Variants in ERBB4 observed in about 807,000 individuals in gnomAD.
ERBB4 encodes receptor tyrosine-protein kinase erbB-4.
In ERBB4, 42 loss-of-function variants were observed where a neutral mutation model predicts 158.0. The ratio of observed to expected loss-of-function variants is 0.27; its 90% confidence interval spans 0.21 to 0.34. The LOEUF is 0.34. ERBB4 is among the 10% of genes least tolerant of loss of function. ERBB4 has a pLI of 1.00. For missense variants in ERBB4, 1,333 were observed against 1,624.1 expected, an observed-to-expected ratio of 0.82 and a Z score of 3.08; for synonymous variants, 583 against 558.7, an observed-to-expected ratio of 1.04 and a Z score of -0.61.
intron 1 of ERBB4, among the ~76,000 whole-genome samples, chr2:212,451,029 A>G (rs1041379009): frequency 1.3e-5 from 2 of 152,008 alleles, no homozygotes; most frequent in Non-Finnish European, 2.9e-5. Context: ...TAATTTTTTT[A>G]TTTTTTTGTA....
intron 20 of ERBB4, among the ~76,000 whole-genome samples, chr2:211,460,780 A>C (rs533930549): frequency 4.6e-5 from 7 of 152,316 alleles, no homozygotes; most frequent in African/African-American, 1.4e-4. Context: ...ATGTTTATTA[A>C]ATCCTTTCAA....
At chr2:211,873,530 C>T (rs2078409653) in intron 3 of ERBB4, among the ~76,000 whole-genome samples, 1 of 152,298 alleles carries the variant, frequency 6.6e-6, no homozygotes, top group Non-Finnish European at 1.5e-5. Context: ...GATATTTTCA[C>T]TATTTACATA....
chr2:212,063,074 A>T (rs902560527), intron 2 of ERBB4, among the ~76,000 whole-genome samples: 6 of 152,222 alleles, frequency 3.9e-5, no homozygotes, highest in African/African-American at 1.4e-4. Context: ...TCAAATAGTA[A>T]AATTAAATTA....
chr2:211,731,801 T>C (rs1333199654), intron 5 of ERBB4, among the ~76,000 whole-genome samples: 2 of 152,160 alleles, frequency 1.3e-5, no homozygotes, highest in Non-Finnish European at 2.9e-5. Flanking sequence ...AGGCGTTACT[T>C]ACAGAGCATG....
intron 14 of ERBB4, among the ~76,000 whole-genome samples, chr2:211,665,742 G>A (rs1256824712): frequency 6.6e-6 from 1 of 152,048 alleles, no homozygotes; most frequent in Non-Finnish European, 1.5e-5. Flanking sequence ...TTTCCTTTTC[G>A]ACATAAGCAG....
At chr2:212,401,256 A>T (rs932340295) in intron 1 of ERBB4, among the ~76,000 whole-genome samples, 73 of 152,280 alleles carry the variant, frequency 4.8e-4, no homozygotes, top group African/African-American at 1.7e-3. Context: ...CTAGCAATGT[A>T]GTCAGAATTT....
intron 2 of ERBB4, among the ~76,000 whole-genome samples, chr2:212,072,974 G>C (rs558390754): frequency 1.3e-5 from 2 of 152,000 alleles, no homozygotes; most frequent in South Asian, 4.2e-4. Context: ...CTGGACTGAG[G>C]CTTGAGAAAA....
chr2:212,055,326 C>A (rs1010203483), intron 2 of ERBB4, among the ~76,000 whole-genome samples: 1 of 152,218 alleles, frequency 6.6e-6, no homozygotes, highest in Admixed American at 6.5e-5. Context: ...GAGCCCATGA[C>A]AGCTGAATGA....
chr2:211,388,970 C>T (rs753251839), intron 25 of ERBB4, among the ~76,000 whole-genome samples: 3 of 152,156 alleles, frequency 2.0e-5, no homozygotes, highest in Admixed American at 6.5e-5. Context: ...ATATTCTCTG[C>T]GATCCAGCTT....
At chr2:212,525,556 T>C (rs1692403632) in intron 1 of ERBB4, among the ~76,000 whole-genome samples, 1 of 151,990 alleles carries the variant, frequency 6.6e-6, no homozygotes, top group Non-Finnish European at 1.5e-5. Flanking sequence ...CAAAAGGCTG[T>C]TAGGAACACA....
At chr2:212,042,661 C>T (rs2077168977) in intron 2 of ERBB4, among the ~76,000 whole-genome samples, 1 of 151,958 alleles carries the variant, frequency 6.6e-6, no homozygotes, top group African/African-American at 2.4e-5. Context: ...TTTTAGTATG[C>T]TTTTTTGAAG....
chr2:212,313,660 A>G (rs556572596), intron 1 of ERBB4, among the ~76,000 whole-genome samples: 5 of 151,070 alleles, frequency 3.3e-5, no homozygotes, highest in Non-Finnish European at 7.4e-5. Context: ...TATGAATATC[A>G]TGAAATCTCT....
chr2:211,575,560 T>C (rs558560590), intron 19 of ERBB4, among the ~76,000 whole-genome samples: 3 of 152,336 alleles, frequency 2.0e-5, no homozygotes, highest in African/African-American at 7.2e-5. Flanking sequence ...TTAGTATAAC[T>C]TGGGAAAGTA....
chr2:212,045,993 G>A (rs2077252225), intron 2 of ERBB4, among the ~76,000 whole-genome samples: 1 of 152,092 alleles, frequency 6.6e-6, no homozygotes, highest in South Asian at 2.1e-4. Flanking sequence ...TAGACTCACT[G>A]GTATTCAGGG....
At chr2:212,067,625 A>C (rs1171901615) in intron 2 of ERBB4, among the ~76,000 whole-genome samples, 1 of 152,030 alleles carries the variant, frequency 6.6e-6, no homozygotes, top group Non-Finnish European at 1.5e-5. Flanking sequence ...CAAAAATGTC[A>C]GATGTCACAA....
At position 211,685,248 on chromosome 2, in the gene ERBB4, T is replaced by G. The variant is rs1463863725; in HGVS notation, c.1490-6064A>C. Among the ~76,000 whole-genome samples the G allele has an allele frequency of 2.6e-5, 4 of 152,330 alleles. No homozygotes were observed. In the East Asian group the frequency reaches 5.8e-4, roughly 22 times the overall value. ...TTTCTCCATTTTTTACCTCAAAATT[T>G]TATAGCTTTATATTTTACATTTAAT... On this transcript the variant is annotated intron_variant, in intron 12 of 27. Transcript: ENST00000342788.
intron 1 of ERBB4, among the ~76,000 whole-genome samples, chr2:212,536,254 T>A (rs929779122): frequency 2.0e-5 from 3 of 150,214 alleles, no homozygotes; most frequent in Admixed American, 2.0e-4. Flanking sequence ...TAACTTGTTT[T>A]TATAATAGCA....
At chr2:212,158,889 A>G (rs2125643545) in intron 1 of ERBB4, among the ~76,000 whole-genome samples, 2 of 152,180 alleles carry the variant, frequency 1.3e-5, no homozygotes, top group Middle Eastern at 6.8e-3. Context: ...GGTAGATACA[A>G]TATTATAGCA....
chr2:211,963,325 T>A (rs538680360), intron 2 of ERBB4, among the ~76,000 whole-genome samples: 18 of 152,186 alleles, frequency 1.2e-4, no homozygotes, highest in African/African-American at 3.9e-4. Flanking sequence ...CAAAGAATAA[T>A]CAAGTCCAAA....
Sources: gnomAD v4.1 joint callset for allele counts (sites outside exome capture counted in the v4.1 genomes callset) on GRCh38, gnomAD v4.1.1 for gene constraint, MANE v1.5 for transcripts, NCBI Gene and HGNC (gene_info 2026-07-23, HGNC 2026-07-21) for gene names.